SIPA1: variants seen among roughly 807,000 people sequenced by gnomAD.
The protein encoded by SIPA1 is signal-induced proliferation-associated 1.
SIPA1 carries 51 observed loss-of-function variants against 88.1 expected under a neutral mutation model. That is an observed-to-expected ratio of 0.58 (90% CI 0.46 to 0.73). The LOEUF is 0.73. Among genes scored for constraint, SIPA1 ranks in the 30% least tolerant of loss-of-function variants. The pLI, the probability that SIPA1 is intolerant of heterozygous loss-of-function variation, is 0.00. For missense variants in SIPA1, 1,348 were observed against 1,467.6 expected (o/e 0.92, Z 1.33); for synonymous variants, 681 against 664.8 (o/e 1.02, Z -0.37).
At position 65,647,037 on chromosome 11, in the gene SIPA1, C is replaced by A; in HGVS notation, c.2003C>A (p.Ala668Asp). The A allele has an allele frequency of 6.5e-7, 1 of 1,544,570 alleles. No homozygotes were observed. Among genetic ancestry groups the A allele is most frequent in the Non-Finnish European group, 8.7e-7 (1 of 1,151,798 alleles). ...CGCTTCGACGGGTCCCCCGGCCAAG[C>A]CGTGGGCGAGGTGGTGGCGCGCCTG... Reference protein sequence around the residue: ...TLRFDGSPGQAVGEVVARLQL... With the variant: ...TLRFDGSPGQDVGEVVARLQL... Residue 668 changes from alanine to aspartate, a missense_variant, in exon 8 of 16, where the codon GCC (alanine) becomes GAC (aspartate). Around this residue, in one of 4 missense-constraint regions of SIPA1, gnomAD observed 615 missense variants for 559.8 expected, o/e 1.10. Coordinates refer to ENST00000534313, the MANE Select transcript of SIPA1 (RefSeq NM_006747.4).
At chr11:65,645,747 T>C in intron 5 of SIPA1, 107 bp from the exon 6 acceptor site, 2 of 687,382 alleles carry the variant, frequency 2.9e-6, no homozygotes, top group Non-Finnish European at 4.9e-6. Context: ...GTTGTCCACC[T>C]GCTGTTTGGG....
chr11:65,641,356 C>CCTGG lies in SIPA1; in HGVS notation c.438_441dup (p.Ser148GlyfsTer22), dbSNP rs1855999888. 1.9e-6 allele frequency: 3 copies of CCTGG among 1,613,286 alleles called. No homozygotes were observed. On this transcript the variant is annotated frameshift_variant, in exon 2 of 16. Transcript: ENST00000534313. LOFTEE classifies it high-confidence loss of function. ...GCCACTCAGAGGCCAGCTCTGGGAC[C>CCTGG]CTGGCTTCAGCCGAGGACCAGGCTG... is the stretch of plus-strand genomic sequence containing the variant.
chr11:65,647,335 C>T (rs1356475836), intron 8 of SIPA1, 49 bp from the exon 9 acceptor site: 25 of 1,369,408 alleles, frequency 1.8e-5, no homozygotes, highest in Admixed American at 3.7e-5. Context: ...GGCGCTGGGG[C>T]GGCCCCACCT....
Position 65,650,422 on chromosome 11 carries a change from A to C in SIPA1, c.2925A>C (p.Ser975=), listed in dbSNP as rs771406801. 7 of 1,614,028 alleles carry C rather than the reference A, an allele frequency of 4.3e-6. No individual in the cohort carries two copies. Among genetic ancestry groups the C allele is most frequent in the Non-Finnish European group, 5.9e-6 (7 of 1,179,970 alleles). The change falls in exon 15 of 16, where the codon TCA becomes TCC. Residue 975 remains serine, a synonymous_variant. Transcript: ENST00000534313. Reference sequence around the variant, plus strand: ...TCAGGCCAGAGCCTGGGAACCTCTCAGAGAAGGTCTCTCACTTGGAGTCCA... The same window carrying C: ...TCAGGCCAGAGCCTGGGAACCTCTCCGAGAAGGTCTCTCACTTGGAGTCCA... The part of the protein sequence containing the change: ...SDAEPEPGNL[S]EKVSHLESML...
chr11:65,639,511 C>T (rs1855963110), intron 1 of SIPA1, among the ~76,000 whole-genome samples: 1 of 152,224 alleles, frequency 6.6e-6, no homozygotes, highest in Non-Finnish European at 1.5e-5. Flanking sequence ...GGAGCCGACT[C>T]TTGCTTGGTT....
In SIPA1 at chr11:65,640,828, C is replaced by T; in HGVS notation, c.-91-3C>T. 8.5e-7 allele frequency: 1 copy of T among 1,174,862 alleles called. No homozygotes were observed. The highest frequency in any genetic ancestry group is 2.8e-5 in the East Asian group (1 of 35,862). 72.8% of individuals were successfully genotyped at this position (1,174,862 alleles called of 1,614,324 possible). ...CCCTCTGAGCAGCCCCCTCCTCCTTCAGGGCAGGAACTGCTGCCACAACCT... is the reference window on the plus strand; with the variant it reads ...CCCTCTGAGCAGCCCCCTCCTCCTTTAGGGCAGGAACTGCTGCCACAACCT... On this transcript the variant is annotated splice_polypyrimidine_tract_variant and splice_region_variant and intron_variant, in intron 1 of 15. Coordinates refer to ENST00000534313, the MANE Select transcript of SIPA1 (RefSeq NM_006747.4).
At position 65,646,492 on chromosome 11, in the gene SIPA1, C is replaced by T. The variant is rs780602430; in HGVS notation, c.1458C>T (p.Phe486=). The T allele has an allele frequency of 1.3e-6, 2 of 1,579,978 alleles. No individual in the cohort carries two copies. The highest frequency in any genetic ancestry group is 2.3e-5 in the East Asian group (1 of 43,574). ...AVSRTQDTPA[F]GPALPAGGGP... ...GCCGCACCCAGGACACCCCTGCCTTCGGGCCAGCTCTGCCTGCTGGCGGAG... is the reference window on the plus strand; with the variant it reads ...GCCGCACCCAGGACACCCCTGCCTTTGGGCCAGCTCTGCCTGCTGGCGGAG... Residue 486 remains phenylalanine (F), a synonymous_variant, in exon 8 of 16, where the codon TTC becomes TTT. Transcript: ENST00000534313. The surrounding 1 kb of genome is among the most constrained non-coding windows in gnomAD (Gnocchi z 7.5).
Position 65,641,307 on chromosome 11 carries a change from C to G in SIPA1, c.386C>G (p.Ala129Gly). ...GTGCAAAGCCTGCTCTTTGATTGGG[C>G]TCCGAGGTCTCAGGGGATGGGGAGC... ...YDVQSLLFDW[A>G]PRSQGMGSHS... The change falls in exon 2 of 16, where the codon GCT becomes GGT. Residue 129 changes from alanine (A) to glycine (G), a missense_variant. Transcript: ENST00000534313. 6.2e-7 allele frequency: 1 copy of G among 1,613,652 alleles called. No individual in the cohort carries two copies.
chr11:65,646,172 T>A lies in SIPA1; in HGVS notation c.1264-49T>A, dbSNP rs1451018633. The A allele has an allele frequency of 1.9e-6, 3 of 1,595,856 alleles. No homozygotes were observed. In the African/African-American group the frequency reaches 4.0e-5, roughly 21 times the overall value. ...TTTCTCCTGCCTGAATGAGGAGGGG[T>A]TTGGGGCACAGAAGACCTCATCACG... On this transcript the variant is annotated intron_variant, in intron 6 of 15. Transcript: ENST00000534313. The surrounding 1 kb of genome is among the most constrained non-coding windows in gnomAD (Gnocchi z 7.5).
Position 65,647,012 on chromosome 11 carries a change from C to A in SIPA1, c.1978C>A (p.Arg660Ser). ...CGGCCGCGGGGAGGCGATCACGCTGCGCTTCGACGGGTCCCCCGGCCAAGC... is the reference window on the plus strand; with the variant it reads ...CGGCCGCGGGGAGGCGATCACGCTGAGCTTCGACGGGTCCCCCGGCCAAGC... The part of the protein sequence containing the change: ...YHGRGEAITL[R>S]FDGSPGQAVG... The change falls in exon 8 of 16, where the codon CGC (arginine) becomes AGC (serine). Residue 660 changes from arginine (R) to serine (S), a missense_variant. This residue lies in a region of SIPA1 where 615 missense variants were observed against 559.8 expected (regional missense o/e 1.10). Coordinates refer to ENST00000534313, the MANE Select transcript of SIPA1 (RefSeq NM_006747.4). 1 of 1,539,962 alleles carries A rather than the reference C, an allele frequency of 6.5e-7. No individual in the cohort carries two copies.
In SIPA1 at chr11:65,646,870, C is replaced by T. The variant is rs371202615; in HGVS notation, c.1836C>T (p.Gly612=). The T allele has an allele frequency of 1.4e-5, 21 of 1,492,210 alleles. No individual in the cohort carries two copies. The African/African-American group carries it at 3.0e-4, about 22-fold the overall frequency. The allele number at this position is 1,492,210 out of a possible 1,614,324, so 92.4% of individuals were successfully genotyped here. A position where few individuals can be genotyped will look rare whatever the true frequency, so the allele number is the denominator to read the frequency against. The change falls in exon 8 of 16, where the codon GGC becomes GGT. Residue 612 remains glycine, a synonymous_variant. Coordinates refer to ENST00000534313, the MANE Select transcript of SIPA1 (RefSeq NM_006747.4). The surrounding 1 kb of genome is among the most constrained non-coding windows in gnomAD (Gnocchi z 7.5). The stretch of plus-strand genomic sequence containing the variant: ...GCATCGAGGTGCCCTGCCTGCTGGG[C>T]ATCTCGGCCGAGGCTCTGGTGCTGG... ...PEGIEVPCLL[G]ISAEALVLVA...
At position 65,649,807 on chromosome 11, in the gene SIPA1, G is replaced by A. The variant is rs571372087; in HGVS notation, c.2688G>A (p.Pro896=). The change falls in exon 12 of 16, where the codon CCG becomes CCA. Residue 896 remains proline (P), a synonymous_variant. Transcript: ENST00000534313. ...SGSEDKGNPA[P]ELRASFLPRT... is the part of the protein sequence containing the mutation. ...CTGAGGACAAGGGCAACCCGGCGCCGGAGCTGAGGGCCTCCTTTCTGCCAC... is the reference window on the plus strand; with the variant it reads ...CTGAGGACAAGGGCAACCCGGCGCCAGAGCTGAGGGCCTCCTTTCTGCCAC... 1.5e-5 allele frequency: 25 copies of A among 1,614,082 alleles called. No individual in the cohort carries two copies. The Admixed American group carries it at 2.0e-4, about 13-fold the overall frequency.
At position 65,650,691 on chromosome 11, in the gene SIPA1, C is replaced by T; in HGVS notation, c.3105C>T (p.Gly1035=). The T allele has an allele frequency of 6.3e-7, 1 of 1,580,858 alleles. No homozygotes were observed. The highest frequency in any genetic ancestry group is 8.6e-7 in the Non-Finnish European group (1 of 1,163,430). Residue 1035 remains glycine (G), a synonymous_variant, in exon 16 of 16, where the codon GGC becomes GGT. Transcript: ENST00000534313. The stretch of plus-strand genomic sequence containing the variant: ...TCCTCCTGGCCTCCAAGCAGCTGGG[C>T]TCACCCACCGCCGACCTGGCCTGAG... The part of the protein sequence containing the change: ...TRLLLASKQL[G]SPTADLA
chr11:65,644,863 A>C, intron 4 of SIPA1, 92 bp from the exon 5 acceptor site: 1 of 1,345,678 alleles, frequency 7.4e-7, no homozygotes, highest in Non-Finnish European at 1.0e-6. Context: ...GCTGGTGCTC[A>C]GCCCCAGGCC....
Position 65,642,134 on chromosome 11 carries a change from G to T in SIPA1, c.680-116G>T, listed in dbSNP as rs1301428125. ...ACAGAGGGGCGGGACTTAGTCTAGG[G>T]TCAACATTTGGTGGTGAGATGAAGC... On this transcript the variant is annotated intron_variant, in intron 2 of 15. Transcript: ENST00000534313. The surrounding 1 kb of genome is among the most constrained non-coding windows in gnomAD (Gnocchi z 6.5). 1 of 1,391,540 alleles carries T rather than the reference G, an allele frequency of 7.2e-7. No individual in the cohort carries two copies. Among genetic ancestry groups the T allele is most frequent in the Non-Finnish European group, 9.7e-7 (1 of 1,027,770 alleles). The allele number at this position is 1,391,540 out of a possible 1,614,324, so 86.2% of individuals were successfully genotyped here.
intron 9 of SIPA1, 164 bp from the exon 10 acceptor site, chr11:65,649,098 G>A (rs1287922861): frequency 1.7e-6 from 1 of 587,050 alleles, no homozygotes; most frequent in Non-Finnish European, 3.1e-6. Context: ...TTGAACCATG[G>A]TCTGGAAAAA....
chr11:65,650,870 A>G lies in SIPA1; in HGVS notation c.*155A>G, dbSNP rs1053294326. On this transcript the variant is annotated 3_prime_UTR_variant, in exon 16 of 16. Transcript: ENST00000534313. Reference sequence around the variant, plus strand: ...GCCTCCACCCCTTCCCTGTTTGTAAATATTCTGTGGAGAAAAGAGGACTTC... The same window carrying G: ...GCCTCCACCCCTTCCCTGTTTGTAAGTATTCTGTGGAGAAAAGAGGACTTC... 13 of 791,340 alleles carry G rather than the reference A, an allele frequency of 1.6e-5. No homozygotes were observed. Among genetic ancestry groups the G allele is most frequent in the Non-Finnish European group, 2.1e-5 (11 of 516,842 alleles). 49.0% of individuals were successfully genotyped at this position (791,340 alleles called of 1,614,324 possible). A position where few individuals can be genotyped will look rare whatever the true frequency, so the allele number is the denominator to read the frequency against.
In SIPA1 at chr11:65,650,716, G is replaced by GCCTT; in HGVS notation, c.*3_*4insTTCC. 6.4e-7 allele frequency: 1 copy of GCCTT among 1,571,210 alleles called. No homozygotes were observed. Among genetic ancestry groups the GCCTT allele is most frequent in the Non-Finnish European group, 8.6e-7 (1 of 1,158,450 alleles). On this transcript the variant is annotated 3_prime_UTR_variant, in exon 16 of 16. Transcript: ENST00000534313. ...CTCACCCACCGCCGACCTGGCCTGA[G>GCCTT]CCGTCTGGAACCACCTGGGCCCCTG... is the stretch of plus-strand genomic sequence containing the variant.
chr11:65,646,013 A>T lies in SIPA1; in HGVS notation c.1263+56A>T. On this transcript the variant is annotated intron_variant, in intron 6 of 15. Transcript: ENST00000534313. This position sits in a 1 kb window ranked among gnomAD's most constrained non-coding sequence, Gnocchi z 7.5. ...TTCCGGGAACCATGGAGGGCCCTGCATGGCCCATGACGTTTGAGCTTTGGC... is the reference window on the plus strand; with the variant it reads ...TTCCGGGAACCATGGAGGGCCCTGCTTGGCCCATGACGTTTGAGCTTTGGC... 1 of 1,405,738 alleles carries T rather than the reference A, an allele frequency of 7.1e-7. No homozygotes were observed. Among genetic ancestry groups the T allele is most frequent in the Non-Finnish European group, 9.9e-7 (1 of 1,006,976 alleles). 87.1% of individuals were successfully genotyped at this position (1,405,738 alleles called of 1,614,324 possible).
Sources: allele counts gnomAD v4.1 joint callset (sites outside exome capture counted in the v4.1 genomes callset), GRCh38; gene constraint gnomAD v4.1.1; regional missense constraint gnomAD v4.1.1; non-coding constraint Gnocchi (gnomAD v3.1); transcripts MANE v1.5; gene names NCBI Gene and HGNC (gene_info 2026-07-23, HGNC 2026-07-21).